Variants in UMOD observed in about 807,000 individuals in gnomAD.
The protein encoded by UMOD is uromodulin.
A neutral mutation model predicts 66.0 loss-of-function variants in UMOD; 64 were observed. That is an observed-to-expected ratio of 0.97 (90% CI 0.79 to 1.19). The LOEUF (loss-of-function observed/expected upper bound fraction) is 1.19, where lower values mean the gene tolerates loss of function less well. Among genes scored for constraint, UMOD ranks in the 50% most tolerant of loss-of-function variants. The probability of loss-of-function intolerance (pLI) is 0.00; values close to 1 mark genes in which losing one functional copy is unlikely to be tolerated. For missense variants in UMOD, 764 were observed against 850.9 expected, an observed-to-expected ratio of 0.90 and a Z score of 1.27; for synonymous variants, 398 against 352.7, an observed-to-expected ratio of 1.13 and a Z score of -1.44.
In UMOD at chr16:20,349,035, G is replaced by A; in HGVS notation, c.266C>T (p.Ser89Phe). 1.3e-6 allele frequency: 2 copies of A among 1,597,614 alleles called. No homozygotes were observed. Among genetic ancestry groups the A allele is most frequent in the Non-Finnish European group, 1.7e-6 (2 of 1,172,216 alleles). ...GCCTTCGGGGCAGACGCAGGAGAAG[G>A]AGCCTGGCGTGTTTACGCAGCTGCT... is the stretch of plus-strand genomic sequence containing the variant. ...ANSSCVNTPG[S>F]FSCVCPEGFR... Residue 89 changes from serine to phenylalanine, a missense_variant, in exon 3 of 11, where the codon TCC (serine) becomes TTC (phenylalanine). Transcript: ENST00000396138.
Position 20,344,190 on chromosome 16 carries a change from G to T in UMOD, c.1183-18C>A. 2 of 1,560,212 alleles carry T rather than the reference G, an allele frequency of 1.3e-6. No homozygotes were observed. Among genetic ancestry groups the T allele is most frequent in the Non-Finnish European group, 1.8e-6 (2 of 1,135,028 alleles). On this transcript the variant is annotated intron_variant, in intron 5 of 10. Transcript: ENST00000396138. Reference sequence around the variant, plus strand: ...TCATTCCTCTGTTGCAGGGAATGGGGGTGGAGGGGGGGTGGGGATGAGAGA... The same window carrying T: ...TCATTCCTCTGTTGCAGGGAATGGGTGTGGAGGGGGGGTGGGGATGAGAGA...
rs77810419 is a variant in UMOD at position 20,347,700 on chromosome 16, A to G, written c.973+523T>C. On this transcript the variant is annotated intron_variant, in intron 4 of 10. Coordinates refer to ENST00000396138, the MANE Select transcript of UMOD (RefSeq NM_003361.4). ...ATAAAGCAAGTGAACCAGGGTGCCA[A>G]TTGTAAAGTTGGCACTTGGATGTAA... Among the ~76,000 whole-genome samples, 276 of 152,322 alleles carry G rather than the reference A, an allele frequency of 1.8e-3. 3 individuals are homozygous for G. The highest frequency in any genetic ancestry group is 0.011 in the Admixed American group (172 of 15,304).
chr16:20,338,382 T>C (rs1232523514), intron 7 of UMOD, among the ~76,000 whole-genome samples: 1 of 152,164 alleles, frequency 6.6e-6, no homozygotes, highest in Non-Finnish European at 1.5e-5. Flanking sequence ...ACACTGGTAG[T>C]TCTCACCCCA....
intron 2 of UMOD, 27 bp downstream of exon 2, chr16:20,350,623 T>C: frequency 6.2e-7 from 1 of 1,613,442 alleles, no homozygotes; most frequent in Non-Finnish European, 8.5e-7. Flanking sequence ...TACACACATA[T>C]ACAACGCACA....
chr16:20,347,809 C>G (rs1041445364), intron 4 of UMOD, among the ~76,000 whole-genome samples: 1 of 152,158 alleles, frequency 6.6e-6, no homozygotes, highest in Non-Finnish European at 1.5e-5. Context: ...GTGCCTGGCC[C>G]GGAGTACTGA....
chr16:20,351,197 C>T lies in UMOD; in HGVS notation c.-102-358G>A. ...CTGGAAACTTTCAATTTGCCTGGAT[C>T]ACTTATTCATTCAACAAACATCTAT... On this transcript the variant is annotated intron_variant, in intron 1 of 10. Transcript: ENST00000396138. The T allele has an allele frequency of 1.2e-5, 3 of 251,186 alleles. 1 individual carries two copies. In the South Asian group the frequency reaches 1.7e-4, roughly 14 times the overall value. The allele number at this position is 251,186 out of a possible 1,614,324, so 15.6% of individuals were successfully genotyped here. A position where few individuals can be genotyped will look rare whatever the true frequency, so the allele number is the denominator to read the frequency against.
intron 2 of UMOD, 23 bp from the exon 3 acceptor site, chr16:20,349,235 T>C: frequency 6.2e-7 from 1 of 1,610,040 alleles, no homozygotes; most frequent in African/African-American, 1.3e-5. Flanking sequence ...AAGCCCAGCT[T>C]CAGGGTTTGG....
upstream of UMOD, among the ~76,000 whole-genome samples, chr16:20,354,884 C>G (rs1567315346): frequency 6.6e-6 from 1 of 152,144 alleles, no homozygotes. Flanking sequence ...ACCCCCAACC[C>G]TTGGCCTCCT....
rs1320677706 is a variant in UMOD at position 20,341,341 on chromosome 16, CA to C, written c.1332-6del. The C allele has an allele frequency of 1.2e-4, 187 of 1,613,080 alleles. No homozygotes were observed. The highest frequency in any genetic ancestry group is 1.7e-4 in the Middle Eastern group (1 of 6,030). ...CCCACTCTGATGTTTAGAGCACTGC[CA>C]GGGGAGAAGGGTTGGTGAGAGGACC... is the stretch of plus-strand genomic sequence containing the variant. On this transcript the variant is annotated splice_region_variant and splice_polypyrimidine_tract_variant and intron_variant, in intron 6 of 10. Transcript: ENST00000396138.
chr16:20,344,207 G>GGC, intron 5 of UMOD, 35 bp from the exon 6 acceptor site: 1 of 1,360,788 alleles, frequency 7.3e-7, no homozygotes, highest in Non-Finnish European at 1.0e-6. Flanking sequence ...GGGGGGTGGG[G>GGC]ATGAGAGAAA....
Position 20,333,303 on chromosome 16 carries a change from T to C in UMOD, c.*11A>G. 6.2e-7 allele frequency: 1 copy of C among 1,612,474 alleles called. No individual in the cohort carries two copies. The highest frequency in any genetic ancestry group is 8.5e-7 in the Non-Finnish European group (1 of 1,179,488). ...ATGGCAGCCATGGAGCACAGGGCTT[T>C]CCGCTGTCAGTCACTGAAAAGTCAG... On this transcript the variant is annotated 3_prime_UTR_variant, in exon 11 of 11. Coordinates refer to ENST00000396138, the MANE Select transcript of UMOD (RefSeq NM_003361.4).
At position 20,338,272 on chromosome 16, in the gene UMOD, C is replaced by T. The variant is rs116884877; in HGVS notation, c.1578-819G>A. Among the ~76,000 whole-genome samples, 30 of 152,298 alleles carry T rather than the reference C, an allele frequency of 2.0e-4. No individual in the cohort carries two copies. In the East Asian group the frequency reaches 4.8e-3, roughly 25 times the overall value. On this transcript the variant is annotated intron_variant, in intron 7 of 10. Coordinates refer to ENST00000396138, the MANE Select transcript of UMOD (RefSeq NM_003361.4). Reference sequence around the variant, plus strand: ...ATGGCCTGTGAGGGCTCCACGTGCTCAAGCCAACCTGGACATCCATGTGTC... The same window carrying T: ...ATGGCCTGTGAGGGCTCCACGTGCTTAAGCCAACCTGGACATCCATGTGTC...
At chr16:20,333,996 T>C (rs2141624357) in intron 10 of UMOD, among the ~76,000 whole-genome samples, 1 of 130,488 alleles carries the variant, frequency 7.7e-6, no homozygotes, top group Non-Finnish European at 1.5e-5. Flanking sequence ...ATTTCACCAC[T>C]GCACTCCAGC....
upstream of UMOD, among the ~76,000 whole-genome samples, chr16:20,355,466 C>T (rs1475340821): frequency 6.7e-6 from 1 of 149,442 alleles, no homozygotes; most frequent in African/African-American, 2.5e-5. Flanking sequence ...TGCAGTGGCT[C>T]AGTCTTGGCT....
intron 2 of UMOD, among the ~76,000 whole-genome samples, 173 bp downstream of exon 2, chr16:20,350,477 T>A (rs1189641150): frequency 6.6e-6 from 1 of 152,202 alleles, no homozygotes; most frequent in Non-Finnish European, 1.5e-5. Flanking sequence ...AATTTCTAAG[T>A]CAGTCCTGTG....
At chr16:20,347,224 T>G (rs1480144370) in intron 4 of UMOD, among the ~76,000 whole-genome samples, 2 of 152,162 alleles carry the variant, frequency 1.3e-5, no homozygotes, top group Non-Finnish European at 2.9e-5. Context: ...GATTTTGCCA[T>G]GTTGGCCAGG....
At chr16:20,354,401 C>G (rs1014752417), upstream of UMOD, among the ~76,000 whole-genome samples, 12 of 152,204 alleles carry the variant, frequency 7.9e-5, no homozygotes, top group African/African-American at 2.7e-4. Context: ...CCCACCAACA[C>G]TACTCACCAG....
At chr16:20,349,951 G>C in intron 2 of UMOD, 1 of 1,420,986 alleles carries the variant, frequency 7.0e-7, no homozygotes. Context: ...AATAGGATGT[G>C]CACTTTTCAC....
At chr16:20,345,400 T>TTTTCTCTCTTTC (rs1965492458) in intron 5 of UMOD, among the ~76,000 whole-genome samples, 1 of 77,960 alleles carries the variant, frequency 1.3e-5, no homozygotes, top group Non-Finnish European at 3.0e-5. Flanking sequence ...TTTTCTTTTT[T>TTTTCTCTCTTTC]TTTCTTTCTT....
Sources: allele counts gnomAD v4.1 joint callset (sites outside exome capture counted in the v4.1 genomes callset), GRCh38; gene constraint gnomAD v4.1.1; transcripts MANE v1.5; gene names NCBI Gene and HGNC (gene_info 2026-07-23, HGNC 2026-07-21).